The following YAP1 variants were observed in gnomAD, a reference collection of about 807,000 sequenced individuals.
YAP1 encodes Yes1 associated transcriptional regulator.
Under a neutral mutation model 56.9 loss-of-function variants are expected in YAP1, and 5 were observed. The ratio of observed to expected loss-of-function variants is 0.09; its 90% CI spans 0.05 to 0.18. The LOEUF is 0.18. Ranked by LOEUF, YAP1 falls within the 10% of genes least tolerant of loss-of-function variation. The probability of loss-of-function intolerance (pLI) is 1.00; values close to 1 mark genes in which losing one functional copy is unlikely to be tolerated. For missense variants in YAP1, 539 were observed against 651.8 expected (o/e 0.83, Z 1.88); for synonymous variants, 265 against 248.1 (o/e 1.07, Z -0.64).
At chr11:102,136,223 T>C (rs1330680259) in intron 2 of YAP1, among the ~76,000 whole-genome samples, 1 of 152,258 alleles carries the variant, frequency 6.6e-6, no homozygotes, top group African/African-American at 2.4e-5. Flanking sequence ...TCATTTATTT[T>C]ACTTTCTAAA....
chr11:102,172,781 A>G (rs947947616), intron 3 of YAP1, among the ~76,000 whole-genome samples: 1 of 152,100 alleles, frequency 6.6e-6, no homozygotes, highest in Non-Finnish European at 1.5e-5. Flanking sequence ...AGCTTAGATT[A>G]CCTTCTCCAG....
intron 4 of YAP1, among the ~76,000 whole-genome samples, chr11:102,192,325 CT>C (rs1205720900): frequency 6.6e-6 from 1 of 152,120 alleles, no homozygotes; most frequent in Non-Finnish European, 1.5e-5. Context: ...TTTGCTAGTG[CT>C]TCTTTAAGTG....
At chr11:102,117,710 T>A (rs1341654393) in intron 2 of YAP1, among the ~76,000 whole-genome samples, 1 of 152,248 alleles carries the variant, frequency 6.6e-6, no homozygotes, top group African/African-American at 2.4e-5. Context: ...ATGGTGCTAG[T>A]TACATTTATC....
chr11:102,212,974 A>T (rs1949482174), intron 6 of YAP1, among the ~76,000 whole-genome samples: 1 of 152,248 alleles, frequency 6.6e-6, no homozygotes, highest in African/African-American at 2.4e-5. Flanking sequence ...CTGAAACTGT[A>T]AACATCTTTG....
rs71059544 is a variant in YAP1, at chr11:102,228,634, C to CAAAAAAAAAAAAAAAAAAAAAAAAA, written c.1276+1056_1277-1041dup. ...TGGGTGACAGAGCAAGACTCCGTCT[C>CAAAAAAAAAAAAAAAAAAAAAAAAA]AAAAAAAAAAAAAAAAAAAAAAAAA... On this transcript the variant is annotated intron_variant, in intron 8 of 8. Coordinates refer to ENST00000282441, the MANE Select transcript of YAP1 (RefSeq NM_001130145.3). 1.0e-3 allele frequency among the ~76,000 whole-genome samples: 33 copies of CAAAAAAAAAAAAAAAAAAAAAAAAA among 31,642 alleles called. 1 individual carries two copies. The highest frequency in any genetic ancestry group is 2.0e-3 in the Non-Finnish European group (26 of 13,126). 20.8% of individuals were successfully genotyped at this position (31,642 alleles called of 152,430 possible).
chr11:102,184,996 G>A (rs1285254094), intron 3 of YAP1, among the ~76,000 whole-genome samples: 2 of 152,152 alleles, frequency 1.3e-5, no homozygotes, highest in African/African-American at 2.4e-5. Context: ...AGAATTAAAT[G>A]AATTAATGTA....
chr11:102,119,369 T>C (rs1943509723), intron 2 of YAP1, among the ~76,000 whole-genome samples: 1 of 152,096 alleles, frequency 6.6e-6, no homozygotes, highest in Non-Finnish European at 1.5e-5. Context: ...AGAAGTTCAC[T>C]AGAACTTCTT....
intron 2 of YAP1, among the ~76,000 whole-genome samples, chr11:102,143,570 A>C (rs778727482): frequency 1.3e-5 from 2 of 152,102 alleles, no homozygotes; most frequent in African/African-American, 2.4e-5. Flanking sequence ...TGATTATTTT[A>C]TGTATGTGCG....
intron 4 of YAP1, among the ~76,000 whole-genome samples, chr11:102,199,434 TC>T (rs1948735158): frequency 6.6e-6 from 1 of 152,210 alleles, no homozygotes; most frequent in Non-Finnish European, 1.5e-5. Flanking sequence ...TTTTTTCGTA[TC>T]CATTGCCCTA....
intron 2 of YAP1, among the ~76,000 whole-genome samples, chr11:102,128,089 A>G (rs950665369): frequency 2.0e-5 from 3 of 152,058 alleles, no homozygotes; most frequent in African/African-American, 7.2e-5. Context: ...CTCTGATGAG[A>G]CTTTGGACTG....
In YAP1 at chr11:102,111,129, CCTT is replaced by C; in HGVS notation, c.286_288del (p.Phe96del). The C allele has an allele frequency of 6.2e-7, 1 of 1,613,338 alleles. No homozygotes were observed. The highest frequency in any genetic ancestry group is 8.5e-7 in the Non-Finnish European group (1 of 1,179,878). ...ATGAGGCTCCGGAAGCTGCCCGACT[CCTT>C]CTTCAAGCCGCCGGAGCCCAAATCC... On this transcript the variant is annotated inframe_deletion, in exon 1 of 9. Coordinates refer to ENST00000282441, the MANE Select transcript of YAP1 (RefSeq NM_001130145.3).
intron 1 of YAP1, among the ~76,000 whole-genome samples, chr11:102,112,011 G>T (rs1259883878): frequency 1.3e-5 from 2 of 152,192 alleles, no homozygotes; most frequent in East Asian, 1.9e-4. Context: ...AGTAGGTCGC[G>T]TGTTGGTTTC....
rs538942119 is a variant in YAP1, at chr11:102,118,687, G to A, written c.572+4293G>A. On this transcript the variant is annotated intron_variant, in intron 2 of 8. Coordinates refer to ENST00000282441, the MANE Select transcript of YAP1 (RefSeq NM_001130145.3). Reference sequence around the variant, plus strand: ...AATTGCTTGAACCTGGCAGGTGGAGGCTGCAGTGAGTTGAGATTGCACCAC... The same window carrying A: ...AATTGCTTGAACCTGGCAGGTGGAGACTGCAGTGAGTTGAGATTGCACCAC... 2.0e-5 allele frequency among the ~76,000 whole-genome samples: 3 copies of A among 150,638 alleles called. No homozygotes were observed. The South Asian group carries it at 6.3e-4, about 32-fold the overall frequency.
intron 4 of YAP1, among the ~76,000 whole-genome samples, chr11:102,205,426 A>G (rs969125049): frequency 4.6e-5 from 7 of 152,200 alleles, no homozygotes; most frequent in African/African-American, 1.4e-4. Context: ...TGCATCATTC[A>G]CACTTCAGAA....
At chr11:102,226,143 C>T (rs1167862663) in intron 7 of YAP1, among the ~76,000 whole-genome samples, 1 of 152,152 alleles carries the variant, frequency 6.6e-6, no homozygotes, top group Non-Finnish European at 1.5e-5. Flanking sequence ...GGCTCTTGTC[C>T]CAGATCAGGG....
At chr11:102,136,041 A>G (rs1788214298) in intron 2 of YAP1, among the ~76,000 whole-genome samples, 1 of 152,194 alleles carries the variant, frequency 6.6e-6, no homozygotes, top group Admixed American at 6.5e-5. Context: ...CTCTGTGTAC[A>G]TACATAAGAA....
chr11:102,223,253 CAAAAAA>C (rs1013718662), intron 6 of YAP1, among the ~76,000 whole-genome samples: 2 of 52,418 alleles, frequency 3.8e-5, no homozygotes, highest in African/African-American at 1.3e-4. Context: ...TCTTGAAGAA[CAAAAAA>C]AAAAAAAAAA....
Position 102,230,113 on chromosome 11 carries a change from A to T in YAP1, c.*173A>T. The T allele has an allele frequency of 1.7e-6, 1 of 600,032 alleles. No homozygotes were observed. The highest frequency in any genetic ancestry group is 2.9e-6 in the Non-Finnish European group (1 of 341,202). The allele number at this position is 600,032 out of a possible 1,614,324, so 37.2% of individuals were successfully genotyped here. On this transcript the variant is annotated 3_prime_UTR_variant, in exon 9 of 9. Transcript: ENST00000282441. Reference sequence around the variant, plus strand: ...TCTTCCTTGTCCATTGCTGCTGTTAATGTATTGCTGACCTCTTTCACAGTT... The same window carrying T: ...TCTTCCTTGTCCATTGCTGCTGTTATTGTATTGCTGACCTCTTTCACAGTT...
intron 7 of YAP1, chr11:102,227,033 T>C (rs1686992136): frequency 6.2e-6 from 1 of 162,162 alleles, no homozygotes; most frequent in Admixed American, 6.1e-5. Context: ...GGAGTTTGTG[T>C]TGTGACGTCT....
Sources: allele counts gnomAD v4.1 joint callset (sites outside exome capture counted in the v4.1 genomes callset), GRCh38; gene constraint gnomAD v4.1.1; transcripts MANE v1.5; gene names NCBI Gene and HGNC (gene_info 2026-07-23, HGNC 2026-07-21).